NDUFV2: variants seen among roughly 807,000 people sequenced by gnomAD.
NDUFV2 encodes the protein NADH:ubiquinone oxidoreductase core subunit V2, also known as NADH dehydrogenase [ubiquinone] flavoprotein 2, mitochondrial.
In NDUFV2, 18 loss-of-function variants were observed where a neutral mutation model predicts 31.6. The observed-to-expected ratio is 0.57, with a 90% confidence interval of 0.39 to 0.84. The LOEUF (loss-of-function observed/expected upper bound fraction) is 0.84, where lower values mean the gene tolerates loss of function less well. Ranked by LOEUF, NDUFV2 falls within the 40% of genes least tolerant of loss-of-function variation. The pLI is 0.00. For synonymous variants in NDUFV2, 83 were observed against 99.8 expected (o/e 0.83, Z 1.01); for missense variants, 314 against 303.6 (o/e 1.03, Z -0.26).
chr18:9,129,290 T>A (rs2078020024), intron 7 of NDUFV2, among the ~76,000 whole-genome samples: 1 of 152,174 alleles, frequency 6.6e-6, no homozygotes, highest in Admixed American at 6.5e-5. Flanking sequence ...CTGTGGGATC[T>A]ATGGTTCATA....
In NDUFV2 at chr18:9,126,831, G is replaced by C. The variant is rs1349183227; in HGVS notation, c.580G>C (p.Glu194Gln). 11 of 1,611,876 alleles carry C rather than the reference G, an allele frequency of 6.8e-6. No homozygotes were observed. The highest frequency in any genetic ancestry group is 9.3e-6 in the Non-Finnish European group (11 of 1,178,504). The change falls in exon 7 of 8, where the codon GAG (glutamate) becomes CAG (glutamine). Residue 194 changes from glutamate (E) to glutamine (Q), a missense_variant and splice_region_variant. Glu to Gln is a conservative substitution (Grantham distance 29). Coordinates refer to ENST00000318388, the MANE Select transcript of NDUFV2 (RefSeq NM_021074.5). ...TGACTATTGTTAATTTTTTTTCCAGGAGGATTTGACAGCTAAGGATATTGA... is the reference window on the plus strand; with the variant it reads ...TGACTATTGTTAATTTTTTTTCCAGCAGGATTTGACAGCTAAGGATATTGA... ...PMVQINDNYY[E>Q]DLTAKDIEEI...
intron 6 of NDUFV2, chr18:9,126,612 C>A: frequency 2.0e-6 from 1 of 507,054 alleles, no homozygotes; most frequent in Non-Finnish European, 3.6e-6. Context: ...AAATCACTGG[C>A]ATTAGGGATT....
intron 5 of NDUFV2, among the ~76,000 whole-genome samples, chr18:9,122,993 A>G (rs770618774): frequency 7.9e-5 from 12 of 152,234 alleles, no homozygotes; most frequent in African/African-American, 1.2e-4. Context: ...TTACTATTCT[A>G]TGACAGCATG....
chr18:9,130,489 T>G (rs1324333882), intron 7 of NDUFV2, among the ~76,000 whole-genome samples: 1 of 152,202 alleles, frequency 6.6e-6, no homozygotes, highest in African/African-American at 2.4e-5. Flanking sequence ...TTTCAATAAT[T>G]GCAAGCATCC....
rs561566460 is a variant in NDUFV2, at chr18:9,105,618, T to C, written c.54+2821T>C. On this transcript the variant is annotated intron_variant, in intron 1 of 7. Transcript: ENST00000318388. ...TTGTGGTGGCATTTTCAATTACAGA[T>C]GCTCCTTTACTTACAATGAGATGAC... Among the ~76,000 whole-genome samples, 5 of 152,334 alleles carry C rather than the reference T, an allele frequency of 3.3e-5. No homozygotes were observed. In the South Asian group the frequency reaches 1.0e-3, roughly 32 times the overall value.
intron 1 of NDUFV2, among the ~76,000 whole-genome samples, chr18:9,109,895 AC>A (rs2077861392): frequency 6.6e-6 from 1 of 152,084 alleles, no homozygotes; most frequent in Admixed American, 6.5e-5. Flanking sequence ...TCCTTCTGAA[AC>A]ACTGAAAAAA....
chr18:9,102,859 C>T lies in NDUFV2; in HGVS notation c.54+62C>T, dbSNP rs1359859553. 3 of 1,510,680 alleles carry T rather than the reference C, an allele frequency of 2.0e-6. No homozygotes were observed. The East Asian group carries it at 7.7e-5, about 39-fold the overall frequency. 93.6% of individuals were successfully genotyped at this position (1,510,680 alleles called of 1,614,324 possible). On this transcript the variant is annotated intron_variant, in intron 1 of 7. Transcript: ENST00000318388. ...CCCTTCTCTTGCTCTCCGTGTCTCC[C>T]TTAGTTTTGGGCGCAGGAGAGCCCT... is the stretch of plus-strand genomic sequence containing the variant.
chr18:9,129,138 AC>A (rs1344165193), intron 7 of NDUFV2, among the ~76,000 whole-genome samples: 1 of 152,106 alleles, frequency 6.6e-6, no homozygotes, highest in Non-Finnish European at 1.5e-5. Flanking sequence ...ACGGGGTTTT[AC>A]CATGTTGGCC....
Position 9,117,754 on chromosome 18 carries a change from A to G in NDUFV2, c.55-84A>G. ...TTTTATAAGTTGATTCCATTGTTGT[A>G]AATTATGAATCCTAAAGTATTTCTT... On this transcript the variant is annotated intron_variant, in intron 1 of 7. Transcript: ENST00000318388. 3.8e-6 allele frequency: 3 copies of G among 789,664 alleles called. No homozygotes were observed. In the South Asian group the frequency reaches 4.3e-5, roughly 11 times the overall value. The allele number at this position is 789,664 out of a possible 1,614,324, so 48.9% of individuals were successfully genotyped here.
chr18:9,104,238 C>T, intron 1 of NDUFV2: 1 of 1,612,480 alleles, frequency 6.2e-7, no homozygotes. Flanking sequence ...AAGGTGTGTT[C>T]CCAAATGAAA....
chr18:9,119,453 G>T, intron 3 of NDUFV2, 21 bp from the exon 4 acceptor site: 1 of 1,604,330 alleles, frequency 6.2e-7, no homozygotes, highest in South Asian at 1.1e-5. Flanking sequence ...TGTATAAAAT[G>T]ATGTTCTTTC....
At chr18:9,119,414 A>C in intron 3 of NDUFV2, 26 bp downstream of exon 3, 1 of 1,603,380 alleles carries the variant, frequency 6.2e-7, no homozygotes, top group South Asian at 1.1e-5. Context: ...CATTATAATT[A>C]ATTTACCAAA....
chr18:9,129,084 C>T (rs1369171428), intron 7 of NDUFV2, among the ~76,000 whole-genome samples: 4 of 152,104 alleles, frequency 2.6e-5, no homozygotes, highest in South Asian at 2.1e-4. Context: ...ACTATAAGAA[C>T]GTGCCACCAC....
Position 9,119,395 on chromosome 18 carries a change from CTAAAT to C in NDUFV2, c.183+11_183+15del. The C allele has an allele frequency of 1.2e-6, 2 of 1,605,534 alleles. No individual in the cohort carries two copies. Among genetic ancestry groups the C allele is most frequent in the Non-Finnish European group, 1.7e-6 (2 of 1,172,372 alleles). On this transcript the variant is annotated splice_region_variant and intron_variant, in intron 3 of 7. Transcript: ENST00000318388. ...CACACCAGAAAACTATAAGGTATGG[CTAAAT>C]TAACATTATAATTAATTTACCAAAT...
intron 4 of NDUFV2, among the ~76,000 whole-genome samples, chr18:9,121,644 CTT>C (rs2077936713): frequency 6.6e-6 from 1 of 152,106 alleles, no homozygotes; most frequent in Admixed American, 6.5e-5. Context: ...GATAGTAAGT[CTT>C]AATGATAATA....
chr18:9,110,097 T>C (rs993517734), intron 1 of NDUFV2, among the ~76,000 whole-genome samples: 1 of 151,652 alleles, frequency 6.6e-6, no homozygotes, highest in Non-Finnish European at 1.5e-5. Context: ...AGCTAGATTC[T>C]AGAGAAAAGA....
intron 5 of NDUFV2, among the ~76,000 whole-genome samples, chr18:9,124,629 T>C (rs910871883): frequency 1.9e-4 from 29 of 151,864 alleles, no homozygotes; most frequent in African/African-American, 6.8e-4. Flanking sequence ...TTTGTATTTT[T>C]AGTAGAGACG....
At chr18:9,132,930 AAAGTT>A (rs556302750) in intron 7 of NDUFV2, among the ~76,000 whole-genome samples, 3 of 152,236 alleles carry the variant, frequency 2.0e-5, no homozygotes, top group South Asian at 2.1e-4. Context: ...TCTTTTTTTT[AAAGTT>A]AAGTATCATT....
chr18:9,102,975 G>A, intron 1 of NDUFV2, 178 bp downstream of exon 1: 1 of 592,950 alleles, frequency 1.7e-6, no homozygotes, highest in Non-Finnish European at 2.8e-6. Context: ...GAGAAGCCCC[G>A]AGGGAGGGTT....
Sources: gnomAD v4.1 joint callset for allele counts (sites outside exome capture counted in the v4.1 genomes callset) on GRCh38, gnomAD v4.1.1 for gene constraint, MANE v1.5 for transcripts, NCBI Gene and HGNC (gene_info 2026-07-23, HGNC 2026-07-21) for gene names.